Variants in MYO16 observed in about 807,000 individuals in gnomAD.
MYO16 encodes the protein unconventional myosin-XVI.
Under a neutral mutation model 205.3 loss-of-function variants are expected in MYO16, and 94 were observed. The observed-to-expected ratio is 0.46, with a 90% CI of 0.39 to 0.54. The LOEUF is 0.54. Ranked by LOEUF, MYO16 falls within the 20% of genes least tolerant of loss-of-function variation. The pLI is 0.00. For missense variants in MYO16, 2,315 were observed against 2,387.5 expected (o/e 0.97, Z 0.63); for synonymous variants, 988 against 954.0 (o/e 1.04, Z -0.66).
At chr13:109,066,155 A>G (rs1463570999) in intron 27 of MYO16, among the ~76,000 whole-genome samples, 2 of 152,180 alleles carry the variant, frequency 1.3e-5, no homozygotes, top group Non-Finnish European at 2.9e-5. Context: ...ACTTCCATCT[A>G]TTGGATTAAA....
chr13:108,657,571 T>C (rs1442266789), intron 1 of MYO16, among the ~76,000 whole-genome samples: 1 of 152,216 alleles, frequency 6.6e-6, no homozygotes, highest in African/African-American at 2.4e-5. Context: ...ATGACATTTG[T>C]AAACTTAATC....
intron 16 of MYO16, among the ~76,000 whole-genome samples, chr13:108,946,410 C>T (rs375897596): frequency 6.6e-6 from 1 of 152,154 alleles, no homozygotes; most frequent in African/African-American, 2.4e-5. Context: ...ATGTATGGCA[C>T]TTCCAGATAT....
At chr13:109,057,498 T>C (rs1252402420) in intron 27 of MYO16, among the ~76,000 whole-genome samples, 1 of 152,096 alleles carries the variant, frequency 6.6e-6, no homozygotes, top group Non-Finnish European at 1.5e-5. Flanking sequence ...ATATAATACT[T>C]CTGGGGGTTG....
rs1371964140 is a variant in MYO16 at position 108,898,357 on chromosome 13, T to TGTGTGTGTGTGC, written c.1777+235_1777+236insCGTGTGTGTGTG. Among the ~76,000 whole-genome samples, 342 of 128,106 alleles carry TGTGTGTGTGTGC rather than the reference T, an allele frequency of 2.7e-3. 3 individuals are homozygous for TGTGTGTGTGTGC. Among genetic ancestry groups the TGTGTGTGTGTGC allele is most frequent in the Non-Finnish European group, 4.4e-3 (262 of 59,942 alleles). The allele number at this position is 128,106 out of a possible 152,430, so 84.0% of individuals were successfully genotyped here. On this transcript the variant is annotated intron_variant, in intron 15 of 34. Transcript: ENST00000457511. ...ACTCAGTTGAGGGTGTGTGAGTGTG[T>TGTGTGTGTGTGC]GTGTGTGTGTGTGTGTGTGTGTGTG...
intron 27 of MYO16, among the ~76,000 whole-genome samples, chr13:109,067,581 C>T (rs937334985): frequency 6.6e-6 from 1 of 152,186 alleles, no homozygotes; most frequent in African/African-American, 2.4e-5. Context: ...AGCATCCACC[C>T]TCAATTGCAC....
At chr13:109,160,632 T>C (rs562860981) in intron 32 of MYO16, among the ~76,000 whole-genome samples, 3 of 152,328 alleles carry the variant, frequency 2.0e-5, no homozygotes, top group African/African-American at 7.2e-5. Flanking sequence ...CTTTAAATAT[T>C]ATACAGGATG....
chr13:109,174,211 C>T (rs894862451), intron 33 of MYO16, among the ~76,000 whole-genome samples: 1 of 151,930 alleles, frequency 6.6e-6, no homozygotes, highest in South Asian at 2.1e-4. Flanking sequence ...AGGGCAATTC[C>T]CAAAGGAGGT....
chr13:109,092,238 A>G (rs1178660564), intron 27 of MYO16, among the ~76,000 whole-genome samples: 13 of 152,224 alleles, frequency 8.5e-5, no homozygotes. Context: ...CTTGAAAAAC[A>G]TACAGTATAT....
chr13:108,591,551 C>A (rs1352164084), upstream of MYO16, among the ~76,000 whole-genome samples: 1 of 151,912 alleles, frequency 6.6e-6, no homozygotes, highest in Non-Finnish European at 1.5e-5. Flanking sequence ...AGCTTACAGT[C>A]AATGGCTTTT....
At chr13:108,693,357 G>T (rs1430552217) in intron 2 of MYO16, among the ~76,000 whole-genome samples, 2 of 152,098 alleles carry the variant, frequency 1.3e-5, no homozygotes, top group Non-Finnish European at 2.9e-5. Context: ...GCCCCAAGTA[G>T]AAATATTGTG....
At chr13:109,048,294 A>G (rs2139596105) in intron 24 of MYO16, 1 of 724,756 alleles carries the variant, frequency 1.4e-6, no homozygotes. Context: ...GTACAAAAAA[A>G]AGTTCCAGGA....
At chr13:109,186,750 T>C (rs1401279931) in intron 34 of MYO16, among the ~76,000 whole-genome samples, 1 of 152,198 alleles carries the variant, frequency 6.6e-6, no homozygotes, top group African/African-American at 2.4e-5. Context: ...ATGTTTACAG[T>C]TTGACCAAAG....
intron 20 of MYO16, among the ~76,000 whole-genome samples, chr13:108,974,754 A>G (rs1473397138): frequency 6.6e-6 from 1 of 152,184 alleles, no homozygotes; most frequent in Non-Finnish European, 1.5e-5. Flanking sequence ...TGTTAAGCCT[A>G]TTTTATAAGA....
chr13:109,111,862 A>G (rs1270132935), intron 28 of MYO16, among the ~76,000 whole-genome samples: 1 of 151,976 alleles, frequency 6.6e-6, no homozygotes, highest in Non-Finnish European at 1.5e-5. Flanking sequence ...AATTTTTTGT[A>G]TTTTTAGTAG....
intron 7 of MYO16, among the ~76,000 whole-genome samples, chr13:108,818,325 G>A (rs9301325): frequency 0.026 from 3,978 of 151,144 alleles, 177 homozygotes; most frequent in African/African-American, 0.09. Context: ...AGGCGGTTGC[G>A]GTGAGCCAAG....
At chr13:109,147,076 C>T (rs1452857430) in intron 32 of MYO16, among the ~76,000 whole-genome samples, 4 of 151,800 alleles carry the variant, frequency 2.6e-5, no homozygotes, top group South Asian at 2.1e-4. Context: ...TCATTTTTCA[C>T]GACACAAACA....
chr13:109,176,156 A>C (rs181766685), intron 33 of MYO16, among the ~76,000 whole-genome samples: 2 of 152,298 alleles, frequency 1.3e-5, no homozygotes, highest in Non-Finnish European at 2.9e-5. Flanking sequence ...AAAAAGTTTT[A>C]AAACTGTGTT....
chr13:109,139,673 C>A (rs1876944966), intron 31 of MYO16, among the ~76,000 whole-genome samples: 2 of 149,674 alleles, frequency 1.3e-5, no homozygotes, highest in South Asian at 4.4e-4. Context: ...TTTAAGGGGT[C>A]TACGTGAAAG....
At chr13:109,189,810 G>T (rs1879834250) in intron 34 of MYO16, among the ~76,000 whole-genome samples, 1 of 152,154 alleles carries the variant, frequency 6.6e-6, no homozygotes, top group African/African-American at 2.4e-5. Context: ...TCTCCATTTA[G>T]CATTTCATTT....
Sources: allele counts gnomAD v4.1 joint callset (sites outside exome capture counted in the v4.1 genomes callset), GRCh38; gene constraint gnomAD v4.1.1; transcripts MANE v1.5; gene names NCBI Gene and HGNC (gene_info 2026-07-23, HGNC 2026-07-21).